BNC1: variants seen among roughly 807,000 people sequenced by gnomAD.
BNC1 encodes zinc finger protein basonuclin-1.
In BNC1, 8 loss-of-function variants were observed where a neutral mutation model predicts 66.5. The observed-to-expected ratio is 0.12, with a 90% CI of 0.07 to 0.22. BNC1 has a LOEUF of 0.22. BNC1 is among the 10% of genes least tolerant of loss of function. The pLI, the probability that BNC1 is intolerant of heterozygous loss-of-function variation, is 1.00. For synonymous variants in BNC1, 454 were observed against 452.6 expected (o/e 1.00, Z -0.04); for missense variants, 1,069 against 1,241.3 (o/e 0.86, Z 2.09).
intron 3 of BNC1, among the ~76,000 whole-genome samples, 187 bp from the exon 4 acceptor site, chr15:83,265,002 G>A (rs1357735293): frequency 1.3e-5 from 2 of 152,148 alleles, no homozygotes; most frequent in African/African-American, 4.8e-5. Flanking sequence ...CAGAACATAA[G>A]CTGCACAAAT....
At chr15:83,258,386 T>C (rs2038106538) in intron 4 of BNC1, among the ~76,000 whole-genome samples, 2 of 152,230 alleles carry the variant, frequency 1.3e-5, no homozygotes, top group African/African-American at 4.8e-5. Context: ...TGATTTCCAG[T>C]GTCTGTTTGA....
chr15:83,284,639 GCC>G lies in BNC1; in HGVS notation c.-13_-12del. The G allele has an allele frequency of 1.0e-6, 1 of 988,376 alleles. No individual in the cohort carries two copies. The highest frequency in any genetic ancestry group is 1.2e-6 in the Non-Finnish European group (1 of 832,882). 61.2% of individuals were successfully genotyped at this position (988,376 alleles called of 1,614,324 possible). A position where few individuals can be genotyped will look rare whatever the true frequency, so the allele number is the denominator to read the frequency against. On this transcript the variant is annotated 5_prime_UTR_variant, in exon 1 of 5. Coordinates refer to ENST00000345382, the MANE Select transcript of BNC1 (RefSeq NM_001717.4). ...CGGGCGCCGCCGCATCCACGCTCCG[GCC>G]GTCGGGGCGCGACCCGGCGAAGTGG... is the stretch of plus-strand genomic sequence containing the variant.
At chr15:83,272,760 T>C (rs1457860514) in intron 1 of BNC1, among the ~76,000 whole-genome samples, 1 of 152,184 alleles carries the variant, frequency 6.6e-6, no homozygotes, top group East Asian at 1.9e-4. Context: ...ATTTCATAGA[T>C]TAATACTGAA....
At chr15:83,284,390 G>A in intron 1 of BNC1, 140 bp downstream of exon 1, 1 of 453,320 alleles carries the variant, frequency 2.2e-6, no homozygotes, top group Non-Finnish European at 3.0e-6. Context: ...GCGCCTCGGG[G>A]CCGCGCTGCC....
intron 1 of BNC1, chr15:83,283,340 C>T (rs755369983): frequency 2.1e-5 from 31 of 1,456,396 alleles, no homozygotes; most frequent in African/African-American, 2.8e-5. Context: ...GGCGGCGGGG[C>T]TCCGGGTCTG....
At chr15:83,277,930 T>C (rs1283538788) in intron 1 of BNC1, among the ~76,000 whole-genome samples, 1 of 152,194 alleles carries the variant, frequency 6.6e-6, no homozygotes, top group Non-Finnish European at 1.5e-5. Context: ...TGGATTTTTT[T>C]TTTCTCCTTA....
At chr15:83,280,916 T>A (rs1363717900) in intron 1 of BNC1, among the ~76,000 whole-genome samples, 1 of 152,228 alleles carries the variant, frequency 6.6e-6, no homozygotes, top group African/African-American at 2.4e-5. Flanking sequence ...TATTTCTCCA[T>A]CTCTCTTTTG....
chr15:83,267,477 CT>C (rs1276931661), intron 2 of BNC1, among the ~76,000 whole-genome samples: 1 of 152,024 alleles, frequency 6.6e-6, no homozygotes, highest in African/African-American at 2.4e-5. Flanking sequence ...TTGACATTTT[CT>C]AGTTGTGGGG....
At chr15:83,261,239 G>T (rs1032485304) in intron 4 of BNC1, among the ~76,000 whole-genome samples, 72 of 152,168 alleles carry the variant, frequency 4.7e-4, no homozygotes, top group African/African-American at 1.7e-3. Context: ...AGGGTGCCTT[G>T]GTGGTTTGGT....
rs151306704 is a variant in BNC1, at chr15:83,263,082, G to T, written c.2169C>A (p.Asp723Glu). The change falls in exon 4 of 5, where the codon GAC becomes GAA. Residue 723 changes from aspartate (D) to glutamate (E), a missense_variant. This residue lies in a region of BNC1 where 657 missense variants were observed against 715.8 expected (regional missense o/e 0.92). Transcript: ENST00000345382. The part of the protein sequence containing the change: ...RQIEENRFQC[D>E]ICKKTFKNAC... ...CATTTTTAAAGGTCTTCTTGCAGAT[G>T]TCACACTGGAAGCGATTTTCTTCTA... 25 of 1,614,224 alleles carry T rather than the reference G, an allele frequency of 1.5e-5. No individual in the cohort carries two copies. The African/African-American group carries it at 3.3e-4, about 22-fold the overall frequency.
Position 83,263,237 on chromosome 15 carries a change from T to A in BNC1, c.2014A>T (p.Met672Leu). ...MEPQVPFSDY[M>L]ELQQRLLAGG... ...GCCAGCAGGCGCTGCTGCAGTTCCATGTAGTCAGAAAAAGGAACTTGGGGT... is the reference window on the plus strand; with the variant it reads ...GCCAGCAGGCGCTGCTGCAGTTCCAAGTAGTCAGAAAAAGGAACTTGGGGT... The change falls in exon 4 of 5, where the codon ATG becomes TTG. Residue 672 changes from methionine (M) to leucine (L), a missense_variant. By Grantham distance (15) the Met-to-Leu change is conservative. Transcript: ENST00000345382. The A allele has an allele frequency of 6.2e-7, 1 of 1,614,194 alleles. No homozygotes were observed. The highest frequency in any genetic ancestry group is 8.5e-7 in the Non-Finnish European group (1 of 1,180,032).
At chr15:83,284,064 G>C (rs375290321) in intron 1 of BNC1, among the ~76,000 whole-genome samples, 4 of 151,542 alleles carry the variant, frequency 2.6e-5, no homozygotes, top group South Asian at 2.1e-4. Flanking sequence ...GACGGCCAGT[G>C]TGAAATATCA....
Position 83,263,570 on chromosome 15 carries a change from G to A in BNC1, c.1681C>T (p.Leu561Phe), listed in dbSNP as rs1391560904. The change falls in exon 4 of 5, where the codon CTC becomes TTC. Residue 561 changes from leucine to phenylalanine, a missense_variant. Coordinates refer to ENST00000345382, the MANE Select transcript of BNC1 (RefSeq NM_001717.4). ...AGGGGCATGTCTTCATCTGAGCTGAGGTTGTGTCTTTTCTCATTAGCTATT... is the reference window on the plus strand; with the variant it reads ...AGGGGCATGTCTTCATCTGAGCTGAAGTTGTGTCTTTTCTCATTAGCTATT... ...VEIANEKRHN[L>F]SSDEDMPLQV... 6 of 1,614,090 alleles carry A rather than the reference G, an allele frequency of 3.7e-6. No homozygotes were observed. The highest frequency in any genetic ancestry group is 1.7e-6 in the Non-Finnish European group (2 of 1,180,048).
intron 1 of BNC1, among the ~76,000 whole-genome samples, chr15:83,276,073 T>C (rs1055544820): frequency 7.9e-5 from 12 of 152,178 alleles, no homozygotes; most frequent in African/African-American, 2.9e-4. Flanking sequence ...TTCAGCTCCA[T>C]GCCTTGGTGC....
intron 1 of BNC1, among the ~76,000 whole-genome samples, chr15:83,281,289 C>A (rs1381987221): frequency 1.3e-5 from 2 of 152,194 alleles, no homozygotes; most frequent in East Asian, 3.8e-4. Flanking sequence ...TTTCCAGATG[C>A]TTCTTTTGAG....
In BNC1 at chr15:83,257,678, G is replaced by C. The variant is rs1567189727; in HGVS notation, c.2749C>G (p.Gln917Glu). Residue 917 changes from glutamine (Q) to glutamate (E), a missense_variant, in exon 5 of 5, where the codon CAG becomes GAG. Transcript: ENST00000345382. ...PICVLMEKAD[Q>E]SLASLPSGLP... ...CCAGAAGGCAGGCTAGCAAGGCTCT[G>C]GTCAGCCTTCTCCATCAGGACACAG... 2.5e-6 allele frequency: 4 copies of C among 1,614,060 alleles called. No homozygotes were observed. The highest frequency in any genetic ancestry group is 3.4e-6 in the Non-Finnish European group (4 of 1,180,002).
rs1156476456 is a variant in BNC1, at chr15:83,256,704, C to T, written c.*738G>A. On this transcript the variant is annotated 3_prime_UTR_variant, in exon 5 of 5. Transcript: ENST00000345382. Reference sequence around the variant, plus strand: ...ACACAGTGCAATATCTGCACTCACACCAAACACCACATAAGCACAAATTAA... The same window carrying T: ...ACACAGTGCAATATCTGCACTCACATCAAACACCACATAAGCACAAATTAA... 6.6e-6 allele frequency: 1 copy of T among 152,218 alleles called. No individual in the cohort carries two copies. Among genetic ancestry groups the T allele is most frequent in the East Asian group, 1.9e-4 (1 of 5,200 alleles). 9.4% of individuals were successfully genotyped at this position (152,218 alleles called of 1,614,324 possible). A position where few individuals can be genotyped will look rare whatever the true frequency, so the allele number is the denominator to read the frequency against.
chr15:83,258,356 T>G (rs774051329), intron 4 of BNC1, among the ~76,000 whole-genome samples: 34 of 152,246 alleles, frequency 2.2e-4, no homozygotes, highest in Non-Finnish European at 4.7e-4. Flanking sequence ...GTCTGGATAC[T>G]GAGAATATGT....
In BNC1 at chr15:83,263,116, G is replaced by A; in HGVS notation, c.2135C>T (p.Ala712Val). The part of the protein sequence containing the change: ...ELEHVGQHAL[A>V]RQIEENRFQC... ...GAAGCGATTTTCTTCTATCTGCCTT[G>A]CTAATGCATGCTGACCCACGTGCTC... The change falls in exon 4 of 5, where the codon GCA becomes GTA. Residue 712 changes from alanine to valine, a missense_variant. This residue lies in a region of BNC1 where 657 missense variants were observed against 715.8 expected (regional missense o/e 0.92). Coordinates refer to ENST00000345382, the MANE Select transcript of BNC1 (RefSeq NM_001717.4). The A allele has an allele frequency of 6.2e-7, 1 of 1,614,178 alleles. No individual in the cohort carries two copies. Among genetic ancestry groups the A allele is most frequent in the Non-Finnish European group, 8.5e-7 (1 of 1,180,036 alleles).
Sources: allele counts gnomAD v4.1 joint callset (sites outside exome capture counted in the v4.1 genomes callset), GRCh38; gene constraint gnomAD v4.1.1; regional missense constraint gnomAD v4.1.1; transcripts MANE v1.5; gene names NCBI Gene and HGNC (gene_info 2026-07-23, HGNC 2026-07-21).